Variants in MTHFD1 observed in about 807,000 individuals in gnomAD.
MTHFD1 encodes the protein methylenetetrahydrofolate dehydrogenase, cyclohydrolase and formyltetrahydrofolate synthetase 1.
A neutral mutation model predicts 110.3 loss-of-function variants in MTHFD1; 44 were observed. The observed-to-expected ratio is 0.40, with a 90% confidence interval of 0.31 to 0.51. The LOEUF is 0.51. Ranked by LOEUF, MTHFD1 falls within the 20% of genes least tolerant of loss-of-function variation. The probability of loss-of-function intolerance (pLI) is 0.60; values close to 1 mark genes in which losing one functional copy is unlikely to be tolerated. For synonymous variants in MTHFD1, 402 were observed against 428.8 expected, an observed-to-expected ratio of 0.94 and a Z score of 0.77; for missense variants, 909 against 1,173.1, an observed-to-expected ratio of 0.77 and a Z score of 3.29.
intron 7 of MTHFD1, among the ~76,000 whole-genome samples, chr14:64,419,010 C>T (rs1466571270): frequency 6.6e-6 from 1 of 152,114 alleles, no homozygotes. Flanking sequence ...GCATGTGCCA[C>T]CATGCCTGGC....
chr14:64,458,059 T>C, intron 26 of MTHFD1, 155 bp from the exon 27 acceptor site: 1 of 705,788 alleles, frequency 1.4e-6, no homozygotes, highest in Non-Finnish European at 2.6e-6. Flanking sequence ...TCCAGCTAAT[T>C]TTTTATTTCC....
At chr14:64,395,599 C>T (rs759725818) in intron 1 of MTHFD1, among the ~76,000 whole-genome samples, 2 of 152,140 alleles carry the variant, frequency 1.3e-5, no homozygotes, top group African/African-American at 4.8e-5. Flanking sequence ...CAACCTAGTC[C>T]GTTTATTGCA....
intron 1 of MTHFD1, among the ~76,000 whole-genome samples, chr14:64,392,610 G>A (rs138369641): frequency 1.6e-4 from 24 of 152,252 alleles, no homozygotes; most frequent in Non-Finnish European, 3.4e-4. Flanking sequence ...TTGTAAGCTC[G>A]CTGTGGATGG....
At position 64,408,738 on chromosome 14, in the gene MTHFD1, C is replaced by T. The variant is rs966219083; in HGVS notation, c.127-2352C>T. ...GGCTGAGGCAGGAGGATTGCTTAAGCCCAGGTGTTTGAGACCAGCCTGGGC... is the reference window on the plus strand; with the variant it reads ...GGCTGAGGCAGGAGGATTGCTTAAGTCCAGGTGTTTGAGACCAGCCTGGGC... On this transcript the variant is annotated intron_variant, in intron 2 of 27. Transcript: ENST00000652337. Among the ~76,000 whole-genome samples the T allele has an allele frequency of 3.3e-5, 5 of 152,284 alleles. No individual in the cohort carries two copies. The East Asian group carries it at 9.7e-4, about 29-fold the overall frequency.
chr14:64,401,576 G>A (rs140892251), intron 2 of MTHFD1, among the ~76,000 whole-genome samples: 6 of 151,688 alleles, frequency 4.0e-5, no homozygotes, highest in African/African-American at 1.5e-4. Flanking sequence ...GGTGGTGGGC[G>A]CCTGTAATCC....
At chr14:64,390,941 A>T (rs1195404008) in intron 1 of MTHFD1, among the ~76,000 whole-genome samples, 3 of 151,814 alleles carry the variant, frequency 2.0e-5, no homozygotes, top group Non-Finnish European at 4.4e-5. Context: ...GAGCCACTGC[A>T]CCGGTCCTAG....
In MTHFD1 at chr14:64,417,824, C is replaced by T. The variant is rs2078036054; in HGVS notation, c.479-64C>T. 1.7e-5 allele frequency: 27 copies of T among 1,602,222 alleles called. No individual in the cohort carries two copies. The Middle Eastern group carries it at 6.8e-4, about 40-fold the overall frequency. On this transcript the variant is annotated intron_variant, in intron 6 of 27. Transcript: ENST00000652337. This position sits in a 1 kb window ranked among gnomAD's most constrained non-coding sequence, Gnocchi z 4.4. The stretch of plus-strand genomic sequence containing the variant: ...TTGTGCACTTATTCTAATTTCTCCA[C>T]GTGGCATGCGAAGGAGGGCAGCTTC...
rs567522360 is a variant in MTHFD1, at chr14:64,440,760, G to C, written c.1815+494G>C. On this transcript the variant is annotated intron_variant, in intron 18 of 27. Coordinates refer to ENST00000652337, the MANE Select transcript of MTHFD1 (RefSeq NM_005956.4). ...AGAGTTACAAATAACTGAGTACTCT[G>C]GGAACGAGCATTGTCGTGCTCTAAA... The C allele has an allele frequency of 2.1e-5, 5 of 243,278 alleles. No individual in the cohort carries two copies. In the East Asian group the frequency reaches 5.3e-4, roughly 26 times the overall value. The allele number at this position is 243,278 out of a possible 1,614,324, so 15.1% of individuals were successfully genotyped here.
intron 1 of MTHFD1, among the ~76,000 whole-genome samples, chr14:64,391,513 C>T (rs985941625): frequency 3.1e-4 from 47 of 152,166 alleles, no homozygotes; most frequent in Non-Finnish European, 6.0e-4. Flanking sequence ...GCATGTTTCC[C>T]ACCCTGCTGA....
At chr14:64,397,181 A>ATGTG (rs1566553212) in intron 1 of MTHFD1, among the ~76,000 whole-genome samples, 1 of 15,990 alleles carries the variant, frequency 6.3e-5, no homozygotes, top group Non-Finnish European at 1.1e-4. Context: ...ATATATATAT[A>ATGTG]TATATATATA....
chr14:64,388,408 G>T lies in MTHFD1; in HGVS notation c.-20G>T. The T allele has an allele frequency of 6.2e-7, 1 of 1,614,214 alleles. No individual in the cohort carries two copies. Among genetic ancestry groups the T allele is most frequent in the Non-Finnish European group, 8.5e-7 (1 of 1,180,040 alleles). ...TCGATATTGGTGGTGTCCATCGTGG[G>T]CAGCGGACTAATAAAGGCCATGGCG... On this transcript the variant is annotated 5_prime_UTR_variant, in exon 1 of 28. Transcript: ENST00000652337.
intron 1 of MTHFD1, among the ~76,000 whole-genome samples, chr14:64,396,558 AT>A (rs71123843): frequency 0.02 from 2,546 of 126,800 alleles, 68 homozygotes; most frequent in African/African-American, 0.067. Flanking sequence ...CTCCCAGTTA[AT>A]TTTTTTTTTT....
chr14:64,407,896 G>A (rs1474256775), intron 2 of MTHFD1, among the ~76,000 whole-genome samples: 2 of 152,166 alleles, frequency 1.3e-5, no homozygotes, highest in East Asian at 1.9e-4. Flanking sequence ...AGTGCTTTAT[G>A]TATAGTAACT....
At chr14:64,399,928 A>G (rs1233267717) in intron 1 of MTHFD1, among the ~76,000 whole-genome samples, 1 of 152,060 alleles carries the variant, frequency 6.6e-6, no homozygotes, top group Non-Finnish European at 1.5e-5. Context: ...GGGGCCTGCC[A>G]CCACTCCCAA....
chr14:64,458,885 G>A (rs2078518902), intron 27 of MTHFD1, among the ~76,000 whole-genome samples: 1 of 152,102 alleles, frequency 6.6e-6, no homozygotes, highest in South Asian at 2.1e-4. Context: ...GCAGACCCTT[G>A]GGGCTGAAGC....
intron 17 of MTHFD1, 112 bp from the exon 18 acceptor site, chr14:64,440,014 A>G (rs1275851693): frequency 2.6e-5 from 23 of 896,140 alleles, no homozygotes; most frequent in East Asian, 1.0e-4. Flanking sequence ...CTGTTATTCT[A>G]TCCTTTTAAG....
At position 64,432,966 on chromosome 14, in the gene MTHFD1, T is replaced by C. The variant is rs1380056508; in HGVS notation, c.1494+1105T>C. Among the ~76,000 whole-genome samples, 4 of 152,244 alleles carry C rather than the reference T, an allele frequency of 2.6e-5. No homozygotes were observed. The South Asian group carries it at 8.3e-4, about 31-fold the overall frequency. On this transcript the variant is annotated intron_variant, in intron 15 of 27. Transcript: ENST00000652337. ...TTGTAGAGACCGTGTCTCACCATAT[T>C]GTCCAGGCTGGTCTCAAACTCCTGG...
At chr14:64,444,629 G>T in intron 21 of MTHFD1, 64 bp from the exon 22 acceptor site, 1 of 1,583,974 alleles carries the variant, frequency 6.3e-7, no homozygotes, top group Non-Finnish European at 8.7e-7. Flanking sequence ...CACATGAAAA[G>T]CACCATTTTA....
chr14:64,441,652 A>C, intron 19 of MTHFD1, 199 bp downstream of exon 19: 2 of 592,508 alleles, frequency 3.4e-6, no homozygotes, highest in Non-Finnish European at 6.1e-6. Context: ...TAAAAATACA[A>C]AAAATTAGCC....
Sources: gnomAD v4.1 joint callset for allele counts (sites outside exome capture counted in the v4.1 genomes callset) on GRCh38, gnomAD v4.1.1 for gene constraint, Gnocchi (gnomAD v3.1) non-coding constraint, MANE v1.5 for transcripts, NCBI Gene and HGNC (gene_info 2026-07-23, HGNC 2026-07-21) for gene names.